ZFYVE28: variants seen among roughly 807,000 people sequenced by gnomAD.
ZFYVE28 encodes the protein lateral signaling target protein 2 homolog.
Under a neutral mutation model 82.1 loss-of-function variants are expected in ZFYVE28, and 40 were observed. That is an observed-to-expected ratio of 0.49 (90% confidence interval 0.38 to 0.63). The LOEUF (loss-of-function observed/expected upper bound fraction) is 0.63. Ranked by LOEUF, ZFYVE28 falls within the 30% of genes least tolerant of loss-of-function variation. ZFYVE28 has a pLI of 0.00. For missense variants in ZFYVE28, 1,321 were observed against 1,242.1 expected (o/e 1.06, Z -0.96); for synonymous variants, 612 against 546.1 (o/e 1.12, Z -1.68).
intron 1 of ZFYVE28, among the ~76,000 whole-genome samples, chr4:2,359,971 C>T (rs565451239): frequency 5.9e-5 from 9 of 152,202 alleles, no homozygotes; most frequent in Non-Finnish European, 1.0e-4. Context: ...ACAGCCCCCT[C>T]GGGCCCTGGA....
chr4:2,387,361 T>C (rs1729384320), intron 1 of ZFYVE28, among the ~76,000 whole-genome samples: 2 of 152,338 alleles, frequency 1.3e-5, no homozygotes, highest in South Asian at 4.1e-4. Flanking sequence ...TTGCCCGTCA[T>C]TGGCCAGAAC....
chr4:2,372,031 C>T lies in ZFYVE28; in HGVS notation c.40-17958G>A, dbSNP rs1287043079. 6.6e-6 allele frequency among the ~76,000 whole-genome samples: 1 copy of T among 152,030 alleles called. No individual in the cohort carries two copies. The highest frequency in any genetic ancestry group is 2.4e-5 in the African/African-American group (1 of 41,396). ...GCTGGGGGCTGGCAGGGGTGCAAGG[C>T]CATGCACGAGCCTCAGGTCAGCCCA... is the stretch of plus-strand genomic sequence containing the variant. On this transcript the variant is annotated intron_variant, in intron 1 of 12. Coordinates refer to ENST00000290974, the MANE Select transcript of ZFYVE28 (RefSeq NM_020972.3). The surrounding 1 kb of genome is among the most constrained non-coding windows in gnomAD (Gnocchi z 5.2).
intron 2 of ZFYVE28, among the ~76,000 whole-genome samples, chr4:2,343,993 C>T (rs1723170180): frequency 6.6e-6 from 1 of 152,212 alleles, no homozygotes; most frequent in South Asian, 2.1e-4. Context: ...TACCCCACTC[C>T]CAAGAACAAC....
chr4:2,377,114 C>T (rs902515988), intron 1 of ZFYVE28, among the ~76,000 whole-genome samples: 4 of 151,794 alleles, frequency 2.6e-5, no homozygotes, highest in South Asian at 2.1e-4. Context: ...CTCCACCTCC[C>T]GGGTTCACGC....
intron 8 of ZFYVE28, 64 bp downstream of exon 8, chr4:2,304,225 C>T (rs1041559254): frequency 4.9e-5 from 73 of 1,496,090 alleles, no homozygotes; most frequent in Admixed American, 3.4e-4. Context: ...TTGGAGAATG[C>T]GCCAGCACCT....
rs751641758 is a variant in ZFYVE28 at position 2,337,384 on chromosome 4, C to T, written c.611+23G>A. 5 of 1,579,164 alleles carry T rather than the reference C, an allele frequency of 3.2e-6. No homozygotes were observed. The South Asian group carries it at 3.5e-5, about 11-fold the overall frequency. On this transcript the variant is annotated intron_variant, in intron 5 of 12. Transcript: ENST00000290974. ...GGGACTCCCCAGATGCTGCCCCCAG[C>T]CCCTAAGCATCCCTGTGCTCACCTC...
intron 1 of ZFYVE28, among the ~76,000 whole-genome samples, chr4:2,396,126 G>GT (rs1464254480): frequency 1.3e-4 from 14 of 105,318 alleles, no homozygotes; most frequent in Admixed American, 2.1e-4. Context: ...GGGCCACAAG[G>GT]CGGGGTGTCT....
rs1318856788 is a variant in ZFYVE28, at chr4:2,320,281, A to C, written c.702-10T>G. On this transcript the variant is annotated splice_polypyrimidine_tract_variant and intron_variant, in intron 6 of 12. Transcript: ENST00000290974. This position sits in a 1 kb window ranked among gnomAD's most constrained non-coding sequence, Gnocchi z 5.1. ...ATAGACCACGAGGCCACTGCATTTG[A>C]GACACAAAAGCCAGGATGTCAGGCC... 1 of 1,612,796 alleles carries C rather than the reference A, an allele frequency of 6.2e-7. No individual in the cohort carries two copies. The highest frequency in any genetic ancestry group is 1.3e-5 in the African/African-American group (1 of 74,866).
chr4:2,296,927 A>G (rs1298448617), intron 8 of ZFYVE28, among the ~76,000 whole-genome samples: 1 of 152,054 alleles, frequency 6.6e-6, no homozygotes, highest in African/African-American at 2.4e-5. Flanking sequence ...GCTCCACACT[A>G]GGGCCGGGCC....
rs552757765 is a variant in ZFYVE28, at chr4:2,305,608, G to T, written c.804-72C>A. ...CCAGCCTCCTTGGCCAGGAGTGGAC[G>T]CAGCACCCTGGAGTCTGCACCAGCA... On this transcript the variant is annotated intron_variant, in intron 7 of 12. Coordinates refer to ENST00000290974, the MANE Select transcript of ZFYVE28 (RefSeq NM_020972.3). 27 of 1,571,966 alleles carry T rather than the reference G, an allele frequency of 1.7e-5. No individual in the cohort carries two copies. The Admixed American group carries it at 4.8e-4, about 28-fold the overall frequency.
chr4:2,315,465 G>A (rs767887769), intron 7 of ZFYVE28, among the ~76,000 whole-genome samples: 1 of 151,910 alleles, frequency 6.6e-6, no homozygotes, highest in Non-Finnish European at 1.5e-5. Context: ...GTAGAGACGA[G>A]GTTTCACCAT....
At chr4:2,274,893 C>T (rs1278144316) in intron 8 of ZFYVE28, among the ~76,000 whole-genome samples, 2 of 152,252 alleles carry the variant, frequency 1.3e-5, no homozygotes, top group Non-Finnish European at 2.9e-5. Flanking sequence ...GGAGCCTGCC[C>T]TGGAGCCTGC....
At chr4:2,374,886 G>C (rs553268307) in intron 1 of ZFYVE28, among the ~76,000 whole-genome samples, 1 of 152,152 alleles carries the variant, frequency 6.6e-6, no homozygotes, top group African/African-American at 2.4e-5. Flanking sequence ...GCTCCTCCTC[G>C]GTGGGTTTGT....
intron 1 of ZFYVE28, among the ~76,000 whole-genome samples, chr4:2,412,114 A>C (rs190908243): frequency 9.9e-5 from 15 of 152,150 alleles, no homozygotes; most frequent in Non-Finnish European, 1.8e-4. Flanking sequence ...ATCCACGGGG[A>C]TGCCTGAGGC....
At chr4:2,284,143 G>C (rs1712377382) in intron 8 of ZFYVE28, among the ~76,000 whole-genome samples, 1 of 152,236 alleles carries the variant, frequency 6.6e-6, no homozygotes, top group South Asian at 2.1e-4. Context: ...CAGGCTCGCT[G>C]TGGAGCATGT....
chr4:2,287,503 T>A (rs1712944444), intron 8 of ZFYVE28: 1 of 152,286 alleles, frequency 6.6e-6, no homozygotes, highest in Non-Finnish European at 1.5e-5. Flanking sequence ...TTGCAGTCAC[T>A]GTTTCAACAT....
chr4:2,294,090 G>C (rs879773004), intron 8 of ZFYVE28, among the ~76,000 whole-genome samples: 3 of 104,186 alleles, frequency 2.9e-5, no homozygotes, highest in African/African-American at 1.2e-4. Flanking sequence ...TTTTTTTTTT[G>C]GTAAAAGTTG....
At chr4:2,403,911 G>A (rs1458214064) in intron 1 of ZFYVE28, among the ~76,000 whole-genome samples, 2 of 151,362 alleles carry the variant, frequency 1.3e-5, no homozygotes, top group Non-Finnish European at 2.9e-5. Context: ...AGAGGTTGCA[G>A]CGAGCAGATA....
Position 2,335,028 on chromosome 4 carries a change from G to A in ZFYVE28, c.701+677C>T, listed in dbSNP as rs976553650. 8.6e-5 allele frequency among the ~76,000 whole-genome samples: 13 copies of A among 150,840 alleles called. No homozygotes were observed. The highest frequency in any genetic ancestry group is 1.8e-4 in the Non-Finnish European group (12 of 67,554). Reference sequence around the variant, plus strand: ...CCTTGGCCCCAGACAGCTCAGAGACGCTAAGCAGGTGACCCCGCGCATCCT... The same window carrying A: ...CCTTGGCCCCAGACAGCTCAGAGACACTAAGCAGGTGACCCCGCGCATCCT... On this transcript the variant is annotated intron_variant, in intron 6 of 12. Transcript: ENST00000290974. The surrounding 1 kb of genome is among the most constrained non-coding windows in gnomAD (Gnocchi z 5.8).
Sources: gnomAD v4.1 joint callset for allele counts (sites outside exome capture counted in the v4.1 genomes callset) on GRCh38, gnomAD v4.1.1 for gene constraint, Gnocchi (gnomAD v3.1) non-coding constraint, MANE v1.5 for transcripts, NCBI Gene and HGNC (gene_info 2026-07-23, HGNC 2026-07-21) for gene names.